Variants in CLVS1 observed in about 807,000 individuals in gnomAD.
The protein encoded by CLVS1 is clavesin-1.
Under a neutral mutation model 33.1 loss-of-function variants are expected in CLVS1, and 10 were observed. The ratio of observed to expected loss-of-function variants is 0.30; its 90% CI spans 0.19 to 0.51. The LOEUF is 0.51. CLVS1 is among the 20% of genes least tolerant of loss of function. The pLI is 0.97. For missense variants in CLVS1, 343 were observed against 433.4 expected (o/e 0.79, Z 1.85); for synonymous variants, 163 against 166.1 (o/e 0.98, Z 0.14).
At chr8:61,460,755 A>C (rs913909348) in intron 5 of CLVS1, among the ~76,000 whole-genome samples, 2 of 152,186 alleles carry the variant, frequency 1.3e-5, no homozygotes, top group African/African-American at 4.8e-5. Context: ...GACCAGCCCA[A>C]AGAACTGTTG....
chr8:61,090,995 C>A (rs1207759372), intron 1 of CLVS1: 9 of 489,234 alleles, frequency 1.8e-5, no homozygotes, highest in African/African-American at 1.6e-4. Flanking sequence ...CATGCCCCCC[C>A]ACCAATACAT....
At chr8:61,245,813 G>A (rs58585388) in intron 2 of CLVS1, among the ~76,000 whole-genome samples, 17,804 of 151,716 alleles carry the variant, frequency 0.12, 1,997 homozygotes, top group African/African-American at 0.3. Context: ...ATGGCTGGAG[G>A]GCAGGAGGGC....
the CLVS1 span, among the ~76,000 whole-genome samples, chr8:61,026,402 C>T: frequency 6.6e-6 from 1 of 152,242 alleles, no homozygotes; most frequent in Non-Finnish European, 1.5e-5. Context: ...GTCACACAGT[C>T]TGTGACGCTT....
chr8:61,140,271 T>C (rs1351453249), intron 2 of CLVS1, among the ~76,000 whole-genome samples: 1 of 152,242 alleles, frequency 6.6e-6, no homozygotes, highest in East Asian at 1.9e-4. Flanking sequence ...ATAGTATTGA[T>C]TGTTTCCTCT....
intron 5 of CLVS1, among the ~76,000 whole-genome samples, chr8:61,476,195 T>C (rs181019352): frequency 2.0e-5 from 3 of 152,364 alleles, no homozygotes; most frequent in Admixed American, 2.0e-4. Context: ...ATTTGGTTAC[T>C]GTAGCCTTGT....
chr8:61,295,337 A>C (rs1810155889), intron 1 of CLVS1, among the ~76,000 whole-genome samples: 1 of 152,180 alleles, frequency 6.6e-6, no homozygotes, highest in Non-Finnish European at 1.5e-5. Context: ...GAGAATGACA[A>C]GATCTGTTAT....
chr8:61,023,096 G>GT, the CLVS1 span, among the ~76,000 whole-genome samples: 2 of 152,162 alleles, frequency 1.3e-5, no homozygotes, highest in African/African-American at 4.8e-5. Flanking sequence ...AAAAATTTAG[G>GT]GAGGAAAATA....
intron 2 of CLVS1, among the ~76,000 whole-genome samples, chr8:61,260,307 A>T (rs1044619101): frequency 6.6e-6 from 1 of 152,254 alleles, no homozygotes. Flanking sequence ...GGTGCCCTTA[A>T]CTACGTCTAT....
At chr8:61,488,667 C>T (rs1803961680) in intron 5 of CLVS1, among the ~76,000 whole-genome samples, 1 of 152,152 alleles carries the variant, frequency 6.6e-6, no homozygotes, top group South Asian at 2.1e-4. Flanking sequence ...TATCTTTTAT[C>T]TTTCATGGCC....
intron 5 of CLVS1, among the ~76,000 whole-genome samples, chr8:61,485,954 G>A (rs970000007): frequency 2.0e-5 from 3 of 152,080 alleles, no homozygotes; most frequent in Admixed American, 6.5e-5. Context: ...TCGTGGGGTG[G>A]GGGCAGTGGG....
chr8:61,269,855 A>T (rs1443333517), intron 2 of CLVS1, among the ~76,000 whole-genome samples: 2 of 150,562 alleles, frequency 1.3e-5, no homozygotes, highest in Admixed American at 1.3e-4. Context: ...ATTTTTGTAC[A>T]TTGATTTTGT....
intron 5 of CLVS1, among the ~76,000 whole-genome samples, chr8:61,489,940 G>T (rs190157014): frequency 6.6e-6 from 1 of 152,282 alleles, no homozygotes; most frequent in East Asian, 1.9e-4. Flanking sequence ...ATACTTTAAA[G>T]AAACTAAAAC....
intron 2 of CLVS1, among the ~76,000 whole-genome samples, chr8:61,256,554 AT>A (rs1262425910): frequency 6.6e-6 from 1 of 152,142 alleles, no homozygotes; most frequent in Non-Finnish European, 1.5e-5. Context: ...AGAAAACAAA[AT>A]ATTATTTTAA....
At chr8:61,248,106 C>T (rs2129315498) in intron 2 of CLVS1, among the ~76,000 whole-genome samples, 1 of 152,072 alleles carries the variant, frequency 6.6e-6, no homozygotes, top group South Asian at 2.1e-4. Flanking sequence ...GATGTGTAGC[C>T]TTATTTCTGG....
chr8:61,075,184 G>A (rs922141948), intron 1 of CLVS1, among the ~76,000 whole-genome samples: 9 of 152,158 alleles, frequency 5.9e-5, no homozygotes, highest in Non-Finnish European at 1.0e-4. Flanking sequence ...GGAAGGGGCC[G>A]GTGGGATGCT....
intron 4 of CLVS1, among the ~76,000 whole-genome samples, chr8:61,454,764 A>T (rs1430225264): frequency 6.6e-6 from 1 of 152,216 alleles, no homozygotes; most frequent in Non-Finnish European, 1.5e-5. Flanking sequence ...AATTATATCA[A>T]TTGATAACAC....
chr8:61,095,146 A>G (rs7007824), intron 1 of CLVS1, among the ~76,000 whole-genome samples: 2,004 of 152,282 alleles, frequency 0.013, 53 homozygotes, highest in African/African-American at 0.046. Flanking sequence ...GAAAGAAGCC[A>G]CTCTGAGAAC....
At chr8:60,968,042 G>A in the CLVS1 span, among the ~76,000 whole-genome samples, 3 of 152,106 alleles carry the variant, frequency 2.0e-5, no homozygotes, top group Non-Finnish European at 4.4e-5. Flanking sequence ...GGGCCCAAGC[G>A]ATTCTCCCAC....
At chr8:61,274,992 C>T (rs1053853264) in intron 2 of CLVS1, among the ~76,000 whole-genome samples, 14 of 151,880 alleles carry the variant, frequency 9.2e-5, no homozygotes, top group African/African-American at 3.1e-4. Context: ...TTTAAAGGTG[C>T]CCAATTTGCA....
Sources: gnomAD v4.1 joint callset for allele counts (sites outside exome capture counted in the v4.1 genomes callset) on GRCh38, gnomAD v4.1.1 for gene constraint, MANE v1.5 for transcripts, NCBI Gene and HGNC (gene_info 2026-07-23, HGNC 2026-07-21) for gene names.